The following CDKAL1 variants were observed in gnomAD, a reference collection of about 807,000 sequenced individuals.
CDKAL1 encodes the protein CDKAL1 threonylcarbamoyladenosine tRNA methylthiotransferase, also known as threonylcarbamoyladenosine tRNA methylthiotransferase.
A neutral mutation model predicts 68.2 loss-of-function variants in CDKAL1; 32 were observed. That is an observed-to-expected ratio of 0.47 (90% confidence interval 0.35 to 0.63). The LOEUF (loss-of-function observed/expected upper bound fraction) is 0.63. Among genes scored for constraint, CDKAL1 ranks in the 30% least tolerant of loss-of-function variants. The pLI is 0.00. For synonymous variants in CDKAL1, 234 were observed against 244.3 expected (o/e 0.96, Z 0.39); for missense variants, 606 against 696.7 (o/e 0.87, Z 1.47).
At chr6:20,603,349 G>A (rs571274684) in intron 4 of CDKAL1, among the ~76,000 whole-genome samples, 2 of 152,264 alleles carry the variant, frequency 1.3e-5, no homozygotes, top group East Asian at 1.9e-4. Flanking sequence ...GGAACAAGCA[G>A]CAGCTATCTG....
chr6:20,859,225 A>T (rs536975690), intron 9 of CDKAL1, among the ~76,000 whole-genome samples: 1 of 152,018 alleles, frequency 6.6e-6, no homozygotes, highest in Non-Finnish European at 1.5e-5. Context: ...CTTTTAACAA[A>T]TAAATGGTGT....
At chr6:20,913,096 A>G (rs1406119553) in intron 9 of CDKAL1, among the ~76,000 whole-genome samples, 1 of 147,616 alleles carries the variant, frequency 6.8e-6, no homozygotes, top group Admixed American at 6.8e-5. Flanking sequence ...GAGAAATAGA[A>G]CCATTGAACC....
chr6:20,797,652 CAAA>C (rs886282481), intron 8 of CDKAL1, among the ~76,000 whole-genome samples: 7 of 151,542 alleles, frequency 4.6e-5, no homozygotes, highest in Non-Finnish European at 8.8e-5. Flanking sequence ...TACCACCAAA[CAAA>C]AAAAGGAATG....
intron 6 of CDKAL1, among the ~76,000 whole-genome samples, chr6:20,743,300 T>G (rs1366392780): frequency 1.3e-5 from 2 of 152,196 alleles, no homozygotes; most frequent in East Asian, 3.8e-4. Context: ...AGCCTTTATC[T>G]GTGTCACCTT....
intron 13 of CDKAL1, among the ~76,000 whole-genome samples, chr6:21,128,786 A>G (rs1182856488): frequency 6.6e-6 from 1 of 152,234 alleles, no homozygotes; most frequent in East Asian, 1.9e-4. Flanking sequence ...ATATCATTCA[A>G]GAGGAATGAC....
At chr6:20,536,689 G>A (rs1763186642) in intron 2 of CDKAL1, among the ~76,000 whole-genome samples, 1 of 152,150 alleles carries the variant, frequency 6.6e-6, no homozygotes, top group Admixed American at 6.5e-5. Flanking sequence ...CTGGAGTGGA[G>A]TTCAAGAATT....
chr6:20,932,655 C>T (rs570871163), intron 9 of CDKAL1, among the ~76,000 whole-genome samples: 2 of 152,152 alleles, frequency 1.3e-5, no homozygotes, highest in African/African-American at 2.4e-5. Context: ...ACTAGGATGG[C>T]GCCAGAGTCC....
chr6:20,739,718 A>C, intron 6 of CDKAL1, 103 bp downstream of exon 6: 1 of 615,606 alleles, frequency 1.6e-6, no homozygotes. Context: ...AAGCTATGTT[A>C]CACTTATGGC....
intron 8 of CDKAL1, among the ~76,000 whole-genome samples, chr6:20,793,547 A>G (rs1581591883): frequency 1.3e-5 from 2 of 152,046 alleles, no homozygotes; most frequent in Non-Finnish European, 1.5e-5. Context: ...GCACTTAAAT[A>G]TTTTGCAGTT....
At chr6:20,732,284 T>TTG (rs1213541605) in intron 5 of CDKAL1, among the ~76,000 whole-genome samples, 1 of 94,064 alleles carries the variant, frequency 1.1e-5, no homozygotes, top group African/African-American at 3.2e-5. Context: ...TTTTTTTTTT[T>TTG]TGTTGTTGTT....
At chr6:20,794,645 G>A (rs543691356) in intron 8 of CDKAL1, among the ~76,000 whole-genome samples, 131 of 152,184 alleles carry the variant, frequency 8.6e-4, no homozygotes, top group African/African-American at 3.1e-3. Flanking sequence ...GTTAGAGCTA[G>A]AAAGGATTTT....
At chr6:20,826,054 T>C (rs1175821881) in intron 8 of CDKAL1, among the ~76,000 whole-genome samples, 1 of 152,192 alleles carries the variant, frequency 6.6e-6, no homozygotes, top group East Asian at 1.9e-4. Flanking sequence ...CATTTCCTTT[T>C]CAAACAGAAC....
chr6:20,935,838 A>G (rs919104950), intron 9 of CDKAL1, among the ~76,000 whole-genome samples: 1 of 152,160 alleles, frequency 6.6e-6, no homozygotes. Context: ...CCGAAGAGCT[A>G]GGATTACAGG....
At chr6:21,157,570 GTA>G (rs1776704973) in intron 13 of CDKAL1, among the ~76,000 whole-genome samples, 1 of 152,048 alleles carries the variant, frequency 6.6e-6, no homozygotes, top group African/African-American at 2.4e-5. Context: ...TTTTACTTAA[GTA>G]ATATAAAAAA....
intron 12 of CDKAL1, among the ~76,000 whole-genome samples, chr6:21,103,785 A>G (rs938691170): frequency 1.3e-5 from 2 of 152,190 alleles, no homozygotes; most frequent in African/African-American, 2.4e-5. Flanking sequence ...CTTGTTTAAC[A>G]TGTTTACTTT....
At chr6:20,743,364 C>T (rs890381822) in intron 6 of CDKAL1, among the ~76,000 whole-genome samples, 2 of 152,160 alleles carry the variant, frequency 1.3e-5, no homozygotes, top group Admixed American at 1.3e-4. Flanking sequence ...AAATAAAAAA[C>T]TTCCATGAGG....
intron 8 of CDKAL1, among the ~76,000 whole-genome samples, chr6:20,786,887 G>A (rs1466460794): frequency 1.3e-5 from 2 of 152,080 alleles, no homozygotes; most frequent in East Asian, 3.9e-4. Flanking sequence ...GGAAATTGTG[G>A]CATAAAGGAC....
chr6:20,584,327 C>G (rs1287403819), intron 4 of CDKAL1, among the ~76,000 whole-genome samples: 1 of 152,002 alleles, frequency 6.6e-6, no homozygotes, highest in Non-Finnish European at 1.5e-5. Flanking sequence ...CAAGGGGGCT[C>G]TAAGAAAGAG....
chr6:20,753,058 C>T (rs996880184), intron 6 of CDKAL1, among the ~76,000 whole-genome samples: 3 of 152,088 alleles, frequency 2.0e-5, no homozygotes, highest in Non-Finnish European at 4.4e-5. Flanking sequence ...TTAAAGTGTA[C>T]AATTCATTGC....
Sources: allele counts gnomAD v4.1 joint callset (sites outside exome capture counted in the v4.1 genomes callset), GRCh38; gene constraint gnomAD v4.1.1; transcripts MANE v1.5; gene names NCBI Gene and HGNC (gene_info 2026-07-23, HGNC 2026-07-21).